The following CTNNA2 variants were observed in gnomAD, a reference collection of about 807,000 sequenced individuals.
CTNNA2 encodes catenin alpha-2.
Under a neutral mutation model 101.0 loss-of-function variants are expected in CTNNA2, and 42 were observed. That is an observed-to-expected ratio of 0.42 (90% CI 0.32 to 0.54). The LOEUF is 0.54. Ranked by LOEUF, CTNNA2 falls within the 20% of genes least tolerant of loss-of-function variation. CTNNA2 has a pLI of 0.14. For synonymous variants in CTNNA2, 450 were observed against 456.4 expected (o/e 0.99, Z 0.18); for missense variants, 871 against 1,223.1 (o/e 0.71, Z 4.29).
intron 4 of CTNNA2, among the ~76,000 whole-genome samples, chr2:79,462,022 G>A (rs1670884530): frequency 6.6e-6 from 1 of 152,036 alleles, no homozygotes; most frequent in South Asian, 2.1e-4. Flanking sequence ...TGAATTGTAT[G>A]TTAAATTTAT....
intron 7 of CTNNA2, among the ~76,000 whole-genome samples, chr2:80,295,466 T>A (rs1675664496): frequency 6.6e-6 from 1 of 152,234 alleles, no homozygotes; most frequent in Non-Finnish European, 1.5e-5. Context: ...TTAACCTATA[T>A]CTGCTCATTA....
chr2:79,435,131 C>G (rs575774340), intron 4 of CTNNA2, among the ~76,000 whole-genome samples: 4 of 152,112 alleles, frequency 2.6e-5, no homozygotes, highest in African/African-American at 9.6e-5. Context: ...AGACCGGGCC[C>G]AGGAGAGAAC....
intron 3 of CTNNA2, among the ~76,000 whole-genome samples, chr2:79,335,937 A>G (rs777280783): frequency 6.6e-6 from 1 of 152,240 alleles, no homozygotes; most frequent in African/African-American, 2.4e-5. Flanking sequence ...ACAGGAAGTC[A>G]AAAGCACAGA....
chr2:79,928,276 CT>C (rs1440726008), intron 7 of CTNNA2, among the ~76,000 whole-genome samples: 1 of 152,054 alleles, frequency 6.6e-6, no homozygotes, highest in Non-Finnish European at 1.5e-5. Context: ...TTGTCATGCA[CT>C]TTGTTGACTT....
intron 16 of CTNNA2, among the ~76,000 whole-genome samples, chr2:80,606,737 C>A (rs1025876103): frequency 2.0e-5 from 3 of 151,574 alleles, no homozygotes. Flanking sequence ...TTTATTTTGC[C>A]GGAAAATATT....
At chr2:79,237,761 C>T (rs986254164) in intron 2 of CTNNA2, among the ~76,000 whole-genome samples, 12 of 152,166 alleles carry the variant, frequency 7.9e-5, no homozygotes, top group African/African-American at 2.9e-4. Flanking sequence ...TATGTACCAA[C>T]CTCTGCTAGC....
rs534107901 is a variant in CTNNA2 at position 80,255,417 on chromosome 2, GA to G, written c.1057-137784del. Among the ~76,000 whole-genome samples, 1,194 of 147,796 alleles carry G rather than the reference GA, an allele frequency of 8.1e-3. 16 individuals are homozygous for G. The highest frequency in any genetic ancestry group is 0.023 in the African/African-American group (926 of 40,412). On this transcript the variant is annotated intron_variant, in intron 7 of 18. Transcript: ENST00000402739. ...CTTTTTCCTTTCAGAAAGAATGAAA[GA>G]AAAAAAAAATGCACAGTGATCTAAA...
intron 1 of CTNNA2, among the ~76,000 whole-genome samples, chr2:79,192,725 T>G (rs1157350437): frequency 6.6e-6 from 1 of 152,166 alleles, no homozygotes; most frequent in Non-Finnish European, 1.5e-5. Flanking sequence ...GTGCTTTTCT[T>G]TGTTCTGTGG....
intron 16 of CTNNA2, 108 bp from the exon 17 acceptor site, chr2:80,608,076 A>G: frequency 6.0e-6 from 6 of 1,001,044 alleles, no homozygotes; most frequent in Non-Finnish European, 8.5e-6. Flanking sequence ...AATGAATGTA[A>G]TTAAGGTATA....
At chr2:79,396,262 G>C (rs554422662) in intron 4 of CTNNA2, among the ~76,000 whole-genome samples, 10 of 151,978 alleles carry the variant, frequency 6.6e-5, no homozygotes, top group Admixed American at 6.5e-5. Context: ...GGGTTCAAGT[G>C]ATTCTCCTGT....
At chr2:79,527,325 A>G (rs889997509) in intron 1 of CTNNA2, among the ~76,000 whole-genome samples, 1 of 152,026 alleles carries the variant, frequency 6.6e-6, no homozygotes. Flanking sequence ...CACACCTGCT[A>G]GACGAGTTCT....
At chr2:80,540,596 C>CAAA (rs201536941) in intron 9 of CTNNA2, among the ~76,000 whole-genome samples, 80 of 132,770 alleles carry the variant, frequency 6.0e-4, no homozygotes, top group African/African-American at 1.6e-3. Flanking sequence ...GACTCCATCT[C>CAAA]AAAAAAAAAA....
intron 7 of CTNNA2, among the ~76,000 whole-genome samples, chr2:80,250,182 G>GGAGAGA (rs67176913): frequency 2.8e-5 from 4 of 142,038 alleles, no homozygotes; most frequent in African/African-American, 1.1e-4. Flanking sequence ...ATGGATGGGG[G>GGAGAGA]GAGAGAGAGA....
At chr2:79,252,502 ATAGGTATAACTTGATT>A (rs1399390450) in intron 2 of CTNNA2, among the ~76,000 whole-genome samples, 2 of 152,156 alleles carry the variant, frequency 1.3e-5, no homozygotes, top group African/African-American at 2.4e-5. Flanking sequence ...TGTACAATGT[ATAGGTATAACTTGATT>A]TAGGTATAAC....
Position 79,878,500 on chromosome 2 carries a change from A to T in CTNNA2, c.852+4158A>T, listed in dbSNP as rs577086203. On this transcript the variant is annotated intron_variant, in intron 6 of 18. Coordinates refer to ENST00000402739, the MANE Select transcript of CTNNA2 (RefSeq NM_001282597.3). ...CCAATTGCATCTATAGCATCTATCT[A>T]TTCTTGACTTTTTAATAATTGCCAT... 2.6e-5 allele frequency among the ~76,000 whole-genome samples: 4 copies of T among 151,994 alleles called. No homozygotes were observed. The South Asian group carries it at 8.3e-4, about 32-fold the overall frequency.
intron 4 of CTNNA2, among the ~76,000 whole-genome samples, chr2:79,415,609 A>G (rs1678470697): frequency 1.3e-5 from 2 of 151,950 alleles, no homozygotes; most frequent in Non-Finnish European, 1.5e-5. Flanking sequence ...ACTATGTGGG[A>G]AAATGCTTAA....
intron 7 of CTNNA2, among the ~76,000 whole-genome samples, chr2:80,138,149 A>G (rs1702800427): frequency 1.3e-5 from 2 of 152,184 alleles, no homozygotes; most frequent in South Asian, 4.1e-4. Context: ...AGAAGAGGGA[A>G]TAAACAATCA....
At chr2:79,545,996 C>T (rs1451607470) in intron 1 of CTNNA2, among the ~76,000 whole-genome samples, 3 of 152,128 alleles carry the variant, frequency 2.0e-5, no homozygotes, top group African/African-American at 7.2e-5. Context: ...AAGTCAGGCA[C>T]AGAGAAGCTA....
intron 6 of CTNNA2, among the ~76,000 whole-genome samples, chr2:79,892,055 T>A (rs1358845261): frequency 6.6e-6 from 1 of 152,138 alleles, no homozygotes; most frequent in East Asian, 1.9e-4. Flanking sequence ...TTTATCATAT[T>A]GGCTTGTCAT....
Sources: gnomAD v4.1 joint callset for allele counts (sites outside exome capture counted in the v4.1 genomes callset) on GRCh38, gnomAD v4.1.1 for gene constraint, MANE v1.5 for transcripts, NCBI Gene and HGNC (gene_info 2026-07-23, HGNC 2026-07-21) for gene names.